Variants in PTPRD observed in about 807,000 individuals in gnomAD.
PTPRD encodes receptor-type tyrosine-protein phosphatase delta.
A neutral mutation model predicts 214.5 loss-of-function variants in PTPRD; 34 were observed. The observed-to-expected ratio is 0.16, with a 90% confidence interval of 0.12 to 0.21. The LOEUF (loss-of-function observed/expected upper bound fraction) is 0.21, where lower values mean the gene tolerates loss of function less well. Among genes scored for constraint, PTPRD ranks in the 10% least tolerant of loss-of-function variants. The pLI is 1.00. For synonymous variants in PTPRD, 1,128 were observed against 845.7 expected (o/e 1.33, Z -5.79); for missense variants, 2,545 against 2,398.7 (o/e 1.06, Z -1.27).
chr9:9,647,263 A>G (rs959426918), intron 7 of PTPRD, among the ~76,000 whole-genome samples: 3 of 152,144 alleles, frequency 2.0e-5, no homozygotes, highest in Non-Finnish European at 4.4e-5. Flanking sequence ...TATATTCTCA[A>G]ACTTTAAAAA....
At chr9:10,365,357 A>G (rs957471843) in intron 2 of PTPRD, among the ~76,000 whole-genome samples, 2 of 152,146 alleles carry the variant, frequency 1.3e-5, no homozygotes, top group African/African-American at 4.8e-5. Flanking sequence ...AGTCCCAACT[A>G]TTTCTCTTCC....
chr9:8,899,694 C>T (rs1381092439), intron 11 of PTPRD, among the ~76,000 whole-genome samples: 1 of 152,148 alleles, frequency 6.6e-6, no homozygotes, highest in East Asian at 1.9e-4. Context: ...CAAAAGTGAA[C>T]GTTTCTCCTT....
chr9:10,511,071 C>T (rs1045320242), intron 2 of PTPRD, among the ~76,000 whole-genome samples: 1 of 143,674 alleles, frequency 7.0e-6, no homozygotes, highest in Non-Finnish European at 1.5e-5. Flanking sequence ...ATGATTCATA[C>T]ATGTTATTGT....
intron 37 of PTPRD, among the ~76,000 whole-genome samples, chr9:8,386,193 A>G (rs966164310): frequency 6.6e-6 from 1 of 152,168 alleles, no homozygotes; most frequent in Non-Finnish European, 1.5e-5. Flanking sequence ...TCATTGTCAC[A>G]CAGCTAGTAG....
chr9:9,305,110 T>C (rs1956723103), intron 9 of PTPRD, among the ~76,000 whole-genome samples: 1 of 151,464 alleles, frequency 6.6e-6, no homozygotes, highest in Non-Finnish European at 1.5e-5. Context: ...AACTTGCTTC[T>C]CATCTTTACC....
At chr9:10,152,219 C>A (rs1014055754) in intron 3 of PTPRD, among the ~76,000 whole-genome samples, 4 of 152,138 alleles carry the variant, frequency 2.6e-5, no homozygotes, top group African/African-American at 9.7e-5. Context: ...TTTAGTCGTT[C>A]TAGTAACTAT....
intron 2 of PTPRD, among the ~76,000 whole-genome samples, chr9:10,418,556 C>T (rs981606133): frequency 6.6e-6 from 1 of 150,438 alleles, no homozygotes; most frequent in Non-Finnish European, 1.5e-5. Context: ...ATCTGGCATA[C>T]CTGTTAATTT....
intron 5 of PTPRD, among the ~76,000 whole-genome samples, chr9:9,809,302 C>T (rs2153535712): frequency 7.1e-6 from 1 of 139,974 alleles, no homozygotes; most frequent in South Asian, 2.3e-4. Context: ...CAGTCTCACT[C>T]TGTCTCCCAA....
At chr9:8,779,898 ACT>A (rs1255323903) in intron 11 of PTPRD, among the ~76,000 whole-genome samples, 3 of 150,640 alleles carry the variant, frequency 2.0e-5, no homozygotes, top group African/African-American at 7.3e-5. Context: ...TCTTACAAAG[ACT>A]CTAATTCCAT....
intron 33 of PTPRD, among the ~76,000 whole-genome samples, chr9:8,452,799 C>T (rs772908525): frequency 1.3e-5 from 2 of 152,042 alleles, no homozygotes; most frequent in East Asian, 1.9e-4. Context: ...CTCTGGTCTA[C>T]GGGGTATTTT....
chr9:8,619,303 T>A (rs1185074312), intron 14 of PTPRD, among the ~76,000 whole-genome samples: 1 of 151,900 alleles, frequency 6.6e-6, no homozygotes, highest in Non-Finnish European at 1.5e-5. Context: ...AACTTACTCC[T>A]CCTAACTGAA....
intron 11 of PTPRD, among the ~76,000 whole-genome samples, chr9:8,953,885 A>T (rs879818910): frequency 3.6e-4 from 55 of 151,914 alleles, no homozygotes; most frequent in Non-Finnish European, 6.5e-4. Context: ...GGGGACACTT[A>T]TACACTGGTG....
chr9:9,120,196 A>T (rs1199769170), intron 10 of PTPRD, among the ~76,000 whole-genome samples: 1 of 152,208 alleles, frequency 6.6e-6, no homozygotes. Context: ...AGTCATAGAG[A>T]AGTACTAGAC....
intron 4 of PTPRD, among the ~76,000 whole-genome samples, chr9:9,957,239 T>G (rs981765385): frequency 8.5e-5 from 13 of 152,268 alleles, no homozygotes; most frequent in African/African-American, 3.1e-4. Context: ...CAAAGAATAC[T>G]CCTCTTTTTA....
intron 2 of PTPRD, among the ~76,000 whole-genome samples, chr9:10,497,449 T>C (rs2042394030): frequency 6.6e-6 from 1 of 152,054 alleles, no homozygotes; most frequent in African/African-American, 2.4e-5. Context: ...TGGTACACAG[T>C]TCATGCTCAA....
At chr9:8,812,009 A>G (rs1600592541) in intron 11 of PTPRD, among the ~76,000 whole-genome samples, 1 of 152,342 alleles carries the variant, frequency 6.6e-6, no homozygotes. Context: ...GAAACATTCC[A>G]TAAAGATCAA....
At chr9:8,333,147 A>G (rs1843144438) in intron 43 of PTPRD, among the ~76,000 whole-genome samples, 1 of 152,202 alleles carries the variant, frequency 6.6e-6, no homozygotes, top group South Asian at 2.1e-4. Context: ...ACTGAGAAAT[A>G]GAGAAAACTA....
chr9:9,865,805 T>A (rs962402319), intron 5 of PTPRD, among the ~76,000 whole-genome samples: 1 of 152,196 alleles, frequency 6.6e-6, no homozygotes, highest in African/African-American at 2.4e-5. Context: ...AAAGTAACAT[T>A]CCATTTTAGC....
chr9:10,546,138 A>G (rs1298134716), intron 2 of PTPRD, among the ~76,000 whole-genome samples: 1 of 152,152 alleles, frequency 6.6e-6, no homozygotes, highest in Non-Finnish European at 1.5e-5. Context: ...AGTGAGGGAT[A>G]GTATTGGCCT....
Sources: allele counts gnomAD v4.1 joint callset (sites outside exome capture counted in the v4.1 genomes callset), GRCh38; gene constraint gnomAD v4.1.1; transcripts MANE v1.5; gene names NCBI Gene and HGNC (gene_info 2026-07-23, HGNC 2026-07-21).